IL4R: variants seen among roughly 807,000 people sequenced by gnomAD.
The protein encoded by IL4R is interleukin 4 receptor.
IL4R carries 17 observed loss-of-function variants against 41.5 expected under a neutral mutation model. That is an observed-to-expected ratio of 0.41 (90% CI 0.28 to 0.61). IL4R has a LOEUF of 0.61. Ranked by LOEUF, IL4R falls within the 20% of genes least tolerant of loss-of-function variation. The pLI, the probability that IL4R is intolerant of heterozygous loss-of-function variation, is 0.31. For missense variants in IL4R, 974 were observed against 1,043.1 expected, an observed-to-expected ratio of 0.93 and a Z score of 0.91; for synonymous variants, 402 against 422.9, an observed-to-expected ratio of 0.95 and a Z score of 0.61.
At chr16:27,354,740 G>C (rs1166061643) in intron 7 of IL4R, among the ~76,000 whole-genome samples, 1 of 152,224 alleles carries the variant, frequency 6.6e-6, no homozygotes, top group East Asian at 1.9e-4. Flanking sequence ...TCTTCAACGT[G>C]GTAGGTGCAG....
intron 2 of IL4R, among the ~76,000 whole-genome samples, chr16:27,333,710 A>G (rs2141103343): frequency 6.6e-6 from 1 of 152,166 alleles, no homozygotes; most frequent in East Asian, 1.9e-4. Context: ...GCTGTTTCCA[A>G]TGGCTCTGCT....
chr16:27,334,570 C>T (rs1165784679), intron 2 of IL4R, among the ~76,000 whole-genome samples: 1 of 152,080 alleles, frequency 6.6e-6, no homozygotes, highest in Non-Finnish European at 1.5e-5. Flanking sequence ...TTTGGACAGG[C>T]GTCTTGGCCT....
intron 7 of IL4R, 104 bp from the exon 8 acceptor site, chr16:27,355,704 G>C: frequency 1.4e-6 from 1 of 725,180 alleles, no homozygotes; most frequent in South Asian, 1.6e-5. Flanking sequence ...AGATCGTGGA[G>C]GGTCTCGGAC....
intron 4 of IL4R, 108 bp from the exon 5 acceptor site, chr16:27,344,761 G>A (rs190162514): frequency 1.0e-5 from 12 of 1,155,174 alleles, no homozygotes; most frequent in East Asian, 7.7e-5. Context: ...ATCCGTGATC[G>A]GGAAGCTGGA....
At chr16:27,328,672 T>C (rs1005960597) in intron 1 of IL4R, among the ~76,000 whole-genome samples, 3 of 152,178 alleles carry the variant, frequency 2.0e-5, no homozygotes, top group Non-Finnish European at 2.9e-5. Flanking sequence ...TCTGCCCTCA[T>C]GGGGCTTGTG....
At chr16:27,343,140 G>A (rs1470765713) in intron 4 of IL4R, among the ~76,000 whole-genome samples, 2 of 152,190 alleles carry the variant, frequency 1.3e-5, no homozygotes, top group Non-Finnish European at 2.9e-5. Flanking sequence ...CTGGTGCCCA[G>A]GACATAATCA....
chr16:27,319,777 G>A (rs1277963287), intron 1 of IL4R, among the ~76,000 whole-genome samples: 4 of 152,110 alleles, frequency 2.6e-5, no homozygotes, highest in African/African-American at 7.2e-5. Context: ...ACCCAAGCTC[G>A]GCCACCTGTC....
At chr16:27,318,855 GT>G (rs1421184851) in intron 1 of IL4R, 1 of 152,188 alleles carries the variant, frequency 6.6e-6, no homozygotes, top group East Asian at 1.9e-4. Flanking sequence ...TGTGTTCTGG[GT>G]CTTAGAGCCT....
intron 1 of IL4R, among the ~76,000 whole-genome samples, chr16:27,327,886 G>A (rs2085004561): frequency 6.6e-6 from 1 of 152,048 alleles, no homozygotes; most frequent in Admixed American, 6.6e-5. Context: ...GTTAACTATG[G>A]ACAAAAGCTT....
chr16:27,331,470 A>C (rs926538023), intron 2 of IL4R, among the ~76,000 whole-genome samples: 1 of 152,276 alleles, frequency 6.6e-6, no homozygotes, highest in Non-Finnish European at 1.5e-5. Flanking sequence ...CTTGTATGTA[A>C]AAGATGTAAA....
At chr16:27,342,365 T>C in intron 4 of IL4R, 106 bp downstream of exon 4, 1 of 1,370,920 alleles carries the variant, frequency 7.3e-7, no homozygotes, top group East Asian at 2.3e-5. Flanking sequence ...ATGCTGAGTA[T>C]GGTTTGCTGC....
chr16:27,326,748 T>C (rs1356554741), intron 1 of IL4R, among the ~76,000 whole-genome samples: 1 of 152,100 alleles, frequency 6.6e-6, no homozygotes, highest in East Asian at 1.9e-4. Context: ...GGGAGGCTGG[T>C]GGGTGCTGTT....
At position 27,346,463 on chromosome 16, in the gene IL4R, G is replaced by A. The variant is rs3024570; in HGVS notation, c.362-4G>A. ...TCCTCACATAGAGGCCGCTTCTCCC[G>A]CAGTGAAACCCAGGGCCCCAGGAAA... On this transcript the variant is annotated splice_polypyrimidine_tract_variant and splice_region_variant and intron_variant, in intron 5 of 10. Coordinates refer to ENST00000395762, the MANE Select transcript of IL4R (RefSeq NM_000418.4). 116,900 of 1,613,560 alleles carry A rather than the reference G, an allele frequency of 0.072. 4,752 individuals are homozygous for A. The highest frequency in any genetic ancestry group is 0.11 in the Middle Eastern group (656 of 6,058).
chr16:27,340,708 T>C (rs2085412858), intron 3 of IL4R, among the ~76,000 whole-genome samples: 1 of 151,442 alleles, frequency 6.6e-6, no homozygotes, highest in African/African-American at 2.4e-5. Context: ...CGTGAGAAAG[T>C]GAGACCCTGT....
rs115426951 is a variant in IL4R at position 27,359,665 on chromosome 16, G to A, written c.849+671G>A. On this transcript the variant is annotated intron_variant, in intron 9 of 10. Transcript: ENST00000395762. ...CCACTCACTGGCAGTGTGGACTTGA[G>A]CAAGTTGCTTAATTCTCTGAGCCTC... is the stretch of plus-strand genomic sequence containing the variant. 1,211 of 397,090 alleles carry A rather than the reference G, an allele frequency of 3.0e-3. 11 individuals carry two copies. The highest frequency in any genetic ancestry group is 0.023 in the African/African-American group (1,136 of 49,242). The allele number at this position is 397,090 out of a possible 1,614,324, so 24.6% of individuals were successfully genotyped here. A position where few individuals can be genotyped will look rare whatever the true frequency, so the allele number is the denominator to read the frequency against.
At chr16:27,323,821 A>AT (rs1021797152) in intron 1 of IL4R, among the ~76,000 whole-genome samples, 8 of 151,088 alleles carry the variant, frequency 5.3e-5, no homozygotes, top group East Asian at 1.9e-4. Context: ...ATGCCTGGCA[A>AT]TTTTTTTTTG....
At chr16:27,361,024 C>G in intron 10 of IL4R, 1 of 1,448,042 alleles carries the variant, frequency 6.9e-7, no homozygotes, top group South Asian at 1.4e-5. Context: ...GTGTCAGGTA[C>G]ATGGTGATAC....
At chr16:27,361,467 A>C (rs1188391099) in intron 10 of IL4R, among the ~76,000 whole-genome samples, 1 of 151,898 alleles carries the variant, frequency 6.6e-6, no homozygotes, top group East Asian at 2.0e-4. Flanking sequence ...AATACCAAAA[A>C]AAGTTTTTGT....
Position 27,363,800 on chromosome 16 carries a change from C to T in IL4R, c.2448C>T (p.Ser816=), listed in dbSNP as rs758286322. Residue 816 remains serine, a synonymous_variant, in exon 11 of 11, where the codon TCC becomes TCT. Transcript: ENST00000395762. ...SQTPKIVNFV[S]VGPTYMRVS is the part of the protein sequence containing the mutation. ...CCCCCAAAATCGTGAACTTTGTCTC[C>T]GTGGGACCCACATACATGAGGGTCT... The T allele has an allele frequency of 5.6e-6, 9 of 1,606,748 alleles. No individual in the cohort carries two copies. In the Admixed American group the frequency reaches 6.7e-5, roughly 12 times the overall value.
Sources: allele counts gnomAD v4.1 joint callset (sites outside exome capture counted in the v4.1 genomes callset), GRCh38; gene constraint gnomAD v4.1.1; transcripts MANE v1.5; gene names NCBI Gene and HGNC (gene_info 2026-07-23, HGNC 2026-07-21).